Variants in SLC35G2 observed in about 807,000 individuals in gnomAD.
The protein encoded by SLC35G2 is transmembrane protein 22.
SLC35G2 carries 20 observed loss-of-function variants against 27.2 expected under a neutral mutation model. That is an observed-to-expected ratio of 0.74 (90% CI 0.52 to 1.07). The LOEUF (loss-of-function observed/expected upper bound fraction) is 1.07, where lower values mean the gene tolerates loss of function less well. Among genes scored for constraint, SLC35G2 ranks in the 50% least tolerant of loss-of-function variants. The pLI is 0.00. For synonymous variants in SLC35G2, 148 were observed against 165.3 expected (o/e 0.90, Z 0.80); for missense variants, 416 against 493.3 (o/e 0.84, Z 1.48).
At chr3:136,820,297 C>G (rs1269956065) in intron 1 of SLC35G2, 1 of 152,464 alleles carries the variant, frequency 6.6e-6, no homozygotes, top group East Asian at 1.9e-4. Context: ...TCAGGCTTGC[C>G]TATGTCCGTG....
intron 1 of SLC35G2, among the ~76,000 whole-genome samples, chr3:136,850,685 T>G (rs1399853676): frequency 1.3e-5 from 2 of 151,944 alleles, no homozygotes; most frequent in African/African-American, 4.8e-5. Context: ...TATACAAAGT[T>G]GTTGAATTAA....
At chr3:136,822,840 T>G (rs1049062154) in intron 1 of SLC35G2, among the ~76,000 whole-genome samples, 3 of 152,238 alleles carry the variant, frequency 2.0e-5, no homozygotes, top group African/African-American at 7.2e-5. Flanking sequence ...CTTCCAGATC[T>G]TGGCTATTGT....
rs769381557 is a variant in SLC35G2, at chr3:136,854,775, G to T, written c.315G>T (p.Trp105Cys). ...ACATTTTTCAATCCCGAAAAATGTG[G>T]ATAGTGCTGTTTGGATCTGCTTTGG... Reference protein sequence around the residue: ...EKNIFQSRKMWIVLFGSALAH... With the variant: ...EKNIFQSRKMCIVLFGSALAH... The change falls in exon 2 of 2, where the codon TGG (tryptophan) becomes TGT (cysteine). Residue 105 changes from tryptophan to cysteine, a missense_variant. Trp to Cys is a radical substitution (Grantham distance 215, BLOSUM62 -2). Transcript: ENST00000446465. The T allele has an allele frequency of 6.2e-7, 1 of 1,614,156 alleles. No homozygotes were observed. The highest frequency in any genetic ancestry group is 8.5e-7 in the Non-Finnish European group (1 of 1,180,016).
chr3:136,854,646 A>G lies in SLC35G2; in HGVS notation c.186A>G (p.Lys62=), dbSNP rs142206668. Residue 62 remains lysine, a synonymous_variant, in exon 2 of 2, where the codon AAA becomes AAG. Transcript: ENST00000446465. The stretch of plus-strand genomic sequence containing the variant: ...AGAAAGGTCTGCTGAGTGAAATGAA[A>G]AAAAAAGGGAGAGCTTTCTTTGGAA... The part of the protein sequence containing the change: ...NPKKGLLSEM[K]KKGRAFFGTM... 410 of 1,613,634 alleles carry G rather than the reference A, an allele frequency of 2.5e-4. No homozygotes were observed. The African/African-American group carries it at 5.1e-3, about 20-fold the overall frequency.
intron 1 of SLC35G2, 125 bp downstream of exon 1, chr3:136,819,753 C>G (rs1936398697): frequency 6.6e-6 from 1 of 152,236 alleles, no homozygotes; most frequent in Non-Finnish European, 1.5e-5. Context: ...GTCCATGACT[C>G]TTGAACGCCA....
At chr3:136,845,747 C>T (rs1937344461) in intron 1 of SLC35G2, among the ~76,000 whole-genome samples, 1 of 151,912 alleles carries the variant, frequency 6.6e-6, no homozygotes, top group Non-Finnish European at 1.5e-5. Context: ...AGGTGCGCGC[C>T]ATCACGTCTA....
chr3:136,841,000 G>T (rs561990108), intron 1 of SLC35G2, among the ~76,000 whole-genome samples: 64 of 104,016 alleles, frequency 6.2e-4, no homozygotes, highest in African/African-American at 2.2e-3. Context: ...ATGCGATTTT[G>T]TTTTTTTTTT....
intron 1 of SLC35G2, among the ~76,000 whole-genome samples, chr3:136,830,204 G>T (rs1332100193): frequency 6.7e-6 from 1 of 149,048 alleles, no homozygotes; most frequent in Non-Finnish European, 1.5e-5. Context: ...CGCCTCCCAG[G>T]TTCAAGCGAT....
chr3:136,838,283 A>ATATATATATATAT (rs1560013693), intron 1 of SLC35G2: 17 of 110,512 alleles, frequency 1.5e-4, no homozygotes, highest in African/African-American at 4.9e-4. Context: ...ATATATATAT[A>ATATATATATATAT]AATGCACACA....
chr3:136,847,843 G>GGTGGGTGCCTGTA (rs1937459626), intron 1 of SLC35G2, among the ~76,000 whole-genome samples: 1 of 152,072 alleles, frequency 6.6e-6, no homozygotes, highest in Admixed American at 6.6e-5. Context: ...TGGTGGCTGT[G>GGTGGGTGCCTGTA]GTGGGTGCCT....
intron 1 of SLC35G2, among the ~76,000 whole-genome samples, chr3:136,847,737 G>C (rs543445801): frequency 1.4e-3 from 208 of 152,290 alleles, no homozygotes; most frequent in African/African-American, 4.7e-3. Flanking sequence ...GGAAGGCTGA[G>C]GCAGATGGAT....
intron 1 of SLC35G2, among the ~76,000 whole-genome samples, chr3:136,820,723 A>T (rs1332594534): frequency 6.6e-6 from 1 of 152,122 alleles, no homozygotes; most frequent in Non-Finnish European, 1.5e-5. Context: ...ATCCATCTTT[A>T]TTTTTTGACA....
chr3:136,828,447 T>C (rs1189342890), intron 1 of SLC35G2, among the ~76,000 whole-genome samples: 2 of 152,234 alleles, frequency 1.3e-5, no homozygotes, highest in Non-Finnish European at 2.9e-5. Flanking sequence ...ATAGTTGTTA[T>C]AGCCTCTTGA....
At chr3:136,845,876 G>A (rs1937352509) in intron 1 of SLC35G2, among the ~76,000 whole-genome samples, 1 of 150,760 alleles carries the variant, frequency 6.6e-6, no homozygotes, top group South Asian at 2.1e-4. Flanking sequence ...TGACGGGCGT[G>A]AGCCACCGCA....
At chr3:136,827,582 T>C (rs1405285865) in intron 1 of SLC35G2, among the ~76,000 whole-genome samples, 1 of 152,210 alleles carries the variant, frequency 6.6e-6, no homozygotes, top group African/African-American at 2.4e-5. Flanking sequence ...CTTTTTTTGA[T>C]GTAGGCATTT....
intron 1 of SLC35G2, among the ~76,000 whole-genome samples, chr3:136,846,791 C>G (rs901653279): frequency 3.3e-5 from 5 of 152,328 alleles, no homozygotes; most frequent in Admixed American, 3.3e-4. Context: ...AAAACACTTT[C>G]TCTTAAGACA....
At chr3:136,831,861 T>C (rs1936736112) in intron 1 of SLC35G2, among the ~76,000 whole-genome samples, 1 of 151,968 alleles carries the variant, frequency 6.6e-6, no homozygotes, top group South Asian at 2.1e-4. Flanking sequence ...TTAAGTGAGA[T>C]AATACATGTA....
chr3:136,836,702 G>A (rs1936881301), intron 1 of SLC35G2, among the ~76,000 whole-genome samples: 1 of 152,214 alleles, frequency 6.6e-6, no homozygotes, highest in South Asian at 2.1e-4. Context: ...ACCACAGCAA[G>A]GGGATTCTCC....
rs767957440 is a variant in SLC35G2 at position 136,855,368 on chromosome 3, T to A, written c.908T>A (p.Met303Lys). 6.2e-7 allele frequency: 1 copy of A among 1,614,188 alleles called. No homozygotes were observed. Among genetic ancestry groups the A allele is most frequent in the South Asian group, 1.1e-5 (1 of 91,084 alleles). Residue 303 changes from methionine to lysine, a missense_variant, in exon 2 of 2, where the codon ATG (methionine) becomes AAG (lysine). Physicochemically the swap from Met to Lys is moderately conservative, Grantham distance 95 (BLOSUM62 -1). Transcript: ENST00000446465. ...GGGACAATTTGGGGAATATCTACTA[T>A]GTTTATTCTTCAAGAACCCATCATC... is the stretch of plus-strand genomic sequence containing the variant. ...WTGTIWGIST[M>K]FILQEPIIPL...
Sources: gnomAD v4.1 joint callset for allele counts (sites outside exome capture counted in the v4.1 genomes callset) on GRCh38, gnomAD v4.1.1 for gene constraint, MANE v1.5 for transcripts, NCBI Gene and HGNC (gene_info 2026-07-23, HGNC 2026-07-21) for gene names.